FBXL7: variants seen among roughly 807,000 people sequenced by gnomAD.
FBXL7 encodes the protein F-box and leucine rich repeat protein 7.
FBXL7 carries 12 observed loss-of-function variants against 38.3 expected under a neutral mutation model. The ratio of observed to expected loss-of-function variants is 0.31; its 90% CI spans 0.20 to 0.51. The LOEUF (loss-of-function observed/expected upper bound fraction) is 0.51, where lower values mean the gene tolerates loss of function less well. Among genes scored for constraint, FBXL7 ranks in the 20% least tolerant of loss-of-function variants. The pLI is 0.98. For synonymous variants in FBXL7, 297 were observed against 300.9 expected (o/e 0.99, Z 0.13); for missense variants, 567 against 676.4 (o/e 0.84, Z 1.79).
chr5:15,589,117 G>A (rs1016254586), intron 1 of FBXL7, among the ~76,000 whole-genome samples: 2 of 152,208 alleles, frequency 1.3e-5, no homozygotes, highest in Non-Finnish European at 2.9e-5. Flanking sequence ...GAAACTCCAT[G>A]CTCCTGACCC....
chr5:15,872,425 A>G (rs1159711803), intron 2 of FBXL7, among the ~76,000 whole-genome samples: 1 of 152,144 alleles, frequency 6.6e-6, no homozygotes, highest in Non-Finnish European at 1.5e-5. Flanking sequence ...AACAATAACA[A>G]TAACAATATT....
intron 2 of FBXL7, among the ~76,000 whole-genome samples, chr5:15,867,044 CT>C (rs1739747432): frequency 6.6e-6 from 1 of 152,204 alleles, no homozygotes; most frequent in African/African-American, 2.4e-5. Flanking sequence ...TAGAGCAGCG[CT>C]TTTTTTCCAC....
At chr5:15,541,443 G>GTGTATGTA (rs1264820921) in intron 1 of FBXL7, among the ~76,000 whole-genome samples, 1 of 38,444 alleles carries the variant, frequency 2.6e-5, no homozygotes, top group Non-Finnish European at 4.8e-5. Context: ...GTGTGTGTGT[G>GTGTATGTA]TATATATATA....
chr5:15,677,477 A>AGAGAGC (rs1278842422), intron 2 of FBXL7, among the ~76,000 whole-genome samples: 9 of 150,944 alleles, frequency 6.0e-5, no homozygotes, highest in African/African-American at 1.9e-4. Context: ...AGAAAGAAAG[A>AGAGAGC]GAGAGAGAGA....
chr5:15,832,133 C>T (rs1254887126), intron 2 of FBXL7, among the ~76,000 whole-genome samples: 4 of 152,142 alleles, frequency 2.6e-5, no homozygotes, highest in Non-Finnish European at 5.9e-5. Context: ...ATTATTCTGG[C>T]TTTAAAGAGT....
intron 2 of FBXL7, among the ~76,000 whole-genome samples, chr5:15,652,468 G>A (rs576980716): frequency 7.9e-5 from 12 of 152,258 alleles, no homozygotes; most frequent in South Asian, 2.1e-4. Context: ...GGCTTTCACC[G>A]TGTTAGCCCG....
chr5:15,606,288 C>T (rs1450372534), intron 1 of FBXL7, among the ~76,000 whole-genome samples: 2 of 151,780 alleles, frequency 1.3e-5, no homozygotes, highest in African/African-American at 2.4e-5. Context: ...TACATGCGCA[C>T]GTGCACACAC....
chr5:15,541,460 T>TAC (rs1737749652), intron 1 of FBXL7, among the ~76,000 whole-genome samples: 1 of 122,724 alleles, frequency 8.1e-6, no homozygotes, highest in Non-Finnish European at 1.7e-5. Flanking sequence ...TATATATATA[T>TAC]ATATATATAT....
chr5:15,628,062 A>G (rs1009144271), intron 2 of FBXL7, among the ~76,000 whole-genome samples: 1 of 152,192 alleles, frequency 6.6e-6, no homozygotes, highest in African/African-American at 2.4e-5. Context: ...TCATTTAGAG[A>G]TGGTTGAAGA....
At chr5:15,904,199 G>A (rs35073570) in intron 2 of FBXL7, among the ~76,000 whole-genome samples, 9 of 152,070 alleles carry the variant, frequency 5.9e-5, no homozygotes, top group Non-Finnish European at 1.2e-4. Flanking sequence ...TGTTTTGATA[G>A]GTTTTCAAGA....
chr5:15,822,622 C>CTTTTTTTTTTTTTT (rs371800054), intron 2 of FBXL7, among the ~76,000 whole-genome samples: 7 of 131,806 alleles, frequency 5.3e-5, no homozygotes, highest in Non-Finnish European at 7.9e-5. Flanking sequence ...GCTGGTTGCT[C>CTTTTTTTTTTTTTT]TTTTTTTTTT....
intron 2 of FBXL7, among the ~76,000 whole-genome samples, chr5:15,742,586 T>TAGGACTACA (rs1735920740): frequency 6.6e-6 from 1 of 152,196 alleles, no homozygotes; most frequent in Non-Finnish European, 1.5e-5. Context: ...GATGAACAGG[T>TAGGACTACA]AGGACTACAT....
At chr5:15,583,631 T>G (rs533770808) in intron 1 of FBXL7, among the ~76,000 whole-genome samples, 13 of 152,214 alleles carry the variant, frequency 8.5e-5, no homozygotes, top group Non-Finnish European at 1.9e-4. Flanking sequence ...TTTGACTGTA[T>G]GTCTCACATC....
intron 1 of FBXL7, among the ~76,000 whole-genome samples, chr5:15,505,782 A>G (rs1399273780): frequency 6.6e-6 from 1 of 152,210 alleles, no homozygotes; most frequent in East Asian, 1.9e-4. Flanking sequence ...TCCAGGTAGC[A>G]TGCTGGCTGC....
chr5:15,634,313 C>CT lies in FBXL7; in HGVS notation c.127+18265dup, dbSNP rs57823645. On this transcript the variant is annotated intron_variant, in intron 2 of 3. Coordinates refer to ENST00000504595, the MANE Select transcript of FBXL7 (RefSeq NM_012304.5). ...AACCTAAAACTTTATATGTTCGTTT[C>CT]TTTTTTTTTTTTTTTTTTTTTTTTA... Among the ~76,000 whole-genome samples, 393 of 112,246 alleles carry CT rather than the reference C, an allele frequency of 3.5e-3. 2 individuals are homozygous for CT. Among genetic ancestry groups the CT allele is most frequent in the Middle Eastern group, 0.011 (2 of 178 alleles). The allele number at this position is 112,246 out of a possible 152,430, so 73.6% of individuals were successfully genotyped here. A position where few individuals can be genotyped will look rare whatever the true frequency, so the allele number is the denominator to read the frequency against.
chr5:15,666,814 C>T (rs941573719), intron 2 of FBXL7, among the ~76,000 whole-genome samples: 1 of 152,162 alleles, frequency 6.6e-6, no homozygotes, highest in Non-Finnish European at 1.5e-5. Context: ...GGTGGCTCAT[C>T]TGCATTGTTA....
At chr5:15,752,393 G>A (rs983107611) in intron 2 of FBXL7, among the ~76,000 whole-genome samples, 2 of 152,212 alleles carry the variant, frequency 1.3e-5, no homozygotes, top group African/African-American at 4.8e-5. Flanking sequence ...GAGCTAAGTT[G>A]GTGAGAAAGG....
intron 2 of FBXL7, among the ~76,000 whole-genome samples, chr5:15,803,686 C>A (rs1737630766): frequency 6.6e-6 from 1 of 152,180 alleles, no homozygotes. Flanking sequence ...CTAGCCTTTT[C>A]TCCAAAGGCT....
intron 2 of FBXL7, among the ~76,000 whole-genome samples, chr5:15,695,866 C>G (rs1023724619): frequency 6.6e-6 from 1 of 152,178 alleles, no homozygotes; most frequent in Non-Finnish European, 1.5e-5. Context: ...AAAAAACACT[C>G]AGGTTCGAGA....
Sources: gnomAD v4.1 joint callset for allele counts (sites outside exome capture counted in the v4.1 genomes callset) on GRCh38, gnomAD v4.1.1 for gene constraint, MANE v1.5 for transcripts, NCBI Gene and HGNC (gene_info 2026-07-23, HGNC 2026-07-21) for gene names.